Variants in ESR1 observed in about 807,000 individuals in gnomAD.
ESR1 encodes estrogen receptor.
In ESR1, 12 loss-of-function variants were observed where a neutral mutation model predicts 52.7. The observed-to-expected ratio is 0.23, with a 90% CI of 0.15 to 0.37. The LOEUF (loss-of-function observed/expected upper bound fraction) is 0.37, where lower values mean the gene tolerates loss of function less well. Ranked by LOEUF, ESR1 falls within the 10% of genes least tolerant of loss-of-function variation. The pLI is 1.00. For missense variants in ESR1, 584 were observed against 779.7 expected (o/e 0.75, Z 2.99); for synonymous variants, 305 against 316.8 (o/e 0.96, Z 0.39).
intron 4 of ESR1, chr6:151,984,050 A>G (rs992301805): frequency 1.3e-5 from 2 of 152,164 alleles, no homozygotes; most frequent in Non-Finnish European, 2.9e-5. Context: ...AGGCGCACAG[A>G]CAGACAACTC....
At chr6:152,079,716 C>G (rs1284677544) in intron 6 of ESR1, among the ~76,000 whole-genome samples, 1 of 152,126 alleles carries the variant, frequency 6.6e-6, no homozygotes, top group African/African-American at 2.4e-5. Flanking sequence ...CATGTTCTAA[C>G]CCATCGCAAG....
At chr6:151,993,436 T>A (rs977662397) in intron 4 of ESR1, among the ~76,000 whole-genome samples, 1 of 152,048 alleles carries the variant, frequency 6.6e-6, no homozygotes, top group Non-Finnish European at 1.5e-5. Flanking sequence ...GACCTATCTA[T>A]CTCCTTCTCA....
chr6:151,956,861 T>TATAA (rs1228735143), intron 4 of ESR1, among the ~76,000 whole-genome samples: 2,289 of 82,708 alleles, frequency 0.028, 73 homozygotes, highest in African/African-American at 0.068. Flanking sequence ...TATATATATA[T>TATAA]AAATATATAT....
chr6:151,829,073 C>G (rs1781966628), intron 1 of ESR1, among the ~76,000 whole-genome samples: 1 of 152,238 alleles, frequency 6.6e-6, no homozygotes, highest in South Asian at 2.1e-4. Context: ...AAGAATTCGG[C>G]CTTGCCACTG....
chr6:151,869,354 C>T (rs1420154712), intron 2 of ESR1, among the ~76,000 whole-genome samples: 1 of 152,134 alleles, frequency 6.6e-6, no homozygotes, highest in East Asian at 1.9e-4. Context: ...ACAATTCTCT[C>T]CTCTTTGATG....
intron 2 of ESR1, among the ~76,000 whole-genome samples, chr6:151,773,630 C>A (rs912508208): frequency 3.3e-5 from 5 of 152,200 alleles, no homozygotes; most frequent in Admixed American, 3.3e-4. Context: ...AGGCAGGGAG[C>A]CTTCCTGGCT....
intron 2 of ESR1, among the ~76,000 whole-genome samples, chr6:151,706,332 A>C (rs1050965230): frequency 2.0e-5 from 3 of 152,180 alleles, no homozygotes; most frequent in African/African-American, 7.2e-5. Context: ...CATTTCTTCA[A>C]CTGACTTTGG....
rs763900064 is a variant in ESR1, at chr6:152,098,714, GT to G, written c.1554-17del. On this transcript the variant is annotated splice_polypyrimidine_tract_variant and intron_variant, in intron 7 of 7. Coordinates refer to ENST00000206249, the MANE Select transcript of ESR1 (RefSeq NM_000125.4). The surrounding 1 kb of genome is among the most constrained non-coding windows in gnomAD (Gnocchi z 5.1). Reference sequence around the variant, plus strand: ...GGTTGGCTCTAAAGTAGTCCTTTCTGTGTCTTCCCACCTACAGTAACAAAGG... The same window carrying G: ...GGTTGGCTCTAAAGTAGTCCTTTCTGGTCTTCCCACCTACAGTAACAAAGG... 31 of 1,608,582 alleles carry G rather than the reference GT, an allele frequency of 1.9e-5. No individual in the cohort carries two copies. The African/African-American group carries it at 2.8e-4, about 15-fold the overall frequency.
At chr6:151,986,607 A>G (rs1029882309) in intron 4 of ESR1, among the ~76,000 whole-genome samples, 2 of 152,170 alleles carry the variant, frequency 1.3e-5, no homozygotes, top group African/African-American at 2.4e-5. Context: ...CTCATTAGGT[A>G]TGTGCATGAG....
At chr6:151,747,272 A>G (rs1411841952) in intron 2 of ESR1, among the ~76,000 whole-genome samples, 1 of 152,230 alleles carries the variant, frequency 6.6e-6, no homozygotes, top group Non-Finnish European at 1.5e-5. Flanking sequence ...TGCAGCACAA[A>G]TACAATCTAG....
chr6:152,118,266 A>G (rs930557616), intron 6 of ESR1: 2 of 152,150 alleles, frequency 1.3e-5, no homozygotes, highest in African/African-American at 4.8e-5. Context: ...ATTTCAGGAC[A>G]TAACTGGTGC....
At chr6:151,750,511 TA>T (rs904088275) in intron 2 of ESR1, among the ~76,000 whole-genome samples, 2 of 152,174 alleles carry the variant, frequency 1.3e-5, no homozygotes, top group African/African-American at 4.8e-5. Flanking sequence ...TTAGGAATTT[TA>T]AAAGGTTTCT....
At chr6:151,857,998 G>A (rs941493038) in intron 2 of ESR1, among the ~76,000 whole-genome samples, 1 of 152,048 alleles carries the variant, frequency 6.6e-6, no homozygotes. Context: ...AATCCATGCT[G>A]CAATTGATTA....
chr6:151,669,187 A>AGAGAGAGAGAGG (rs1777953312), intron 1 of ESR1, among the ~76,000 whole-genome samples: 1 of 107,226 alleles, frequency 9.3e-6, no homozygotes, highest in African/African-American at 3.3e-5. Context: ...AGAGAGAGAG[A>AGAGAGAGAGAGG]GATGGGAATC....
chr6:151,835,273 A>G (rs555100248), intron 1 of ESR1, among the ~76,000 whole-genome samples: 1 of 152,106 alleles, frequency 6.6e-6, no homozygotes, highest in Non-Finnish European at 1.5e-5. Context: ...TGGTTTGTTC[A>G]TGTGGAGGTG....
At chr6:152,006,746 A>T (rs1439712381) in intron 4 of ESR1, among the ~76,000 whole-genome samples, 1 of 152,134 alleles carries the variant, frequency 6.6e-6, no homozygotes, top group Non-Finnish European at 1.5e-5. Flanking sequence ...AAAAAAATGC[A>T]ACAGGCAATT....
chr6:151,784,597 T>A (rs1321057732), intron 2 of ESR1, among the ~76,000 whole-genome samples: 1 of 152,206 alleles, frequency 6.6e-6, no homozygotes, highest in Non-Finnish European at 1.5e-5. Context: ...TTTCCCAGAC[T>A]GAGTTAGGCA....
chr6:151,988,747 C>T (rs1444136263), intron 4 of ESR1, among the ~76,000 whole-genome samples: 1 of 151,888 alleles, frequency 6.6e-6, no homozygotes, highest in Admixed American at 6.6e-5. Context: ...AAAAAATTCC[C>T]TCCAAAAAGG....
chr6:152,106,159 A>C (rs899332418), downstream of ESR1, among the ~76,000 whole-genome samples: 1 of 152,144 alleles, frequency 6.6e-6, no homozygotes, highest in African/African-American at 2.4e-5. Flanking sequence ...GATGACATAA[A>C]ATGAAAATAT....
Sources: allele counts gnomAD v4.1 joint callset (sites outside exome capture counted in the v4.1 genomes callset), GRCh38; gene constraint gnomAD v4.1.1; non-coding constraint Gnocchi (gnomAD v3.1); transcripts MANE v1.5; gene names NCBI Gene and HGNC (gene_info 2026-07-23, HGNC 2026-07-21).